PTPRT: variants seen among roughly 807,000 people sequenced by gnomAD.
PTPRT encodes the protein protein tyrosine phosphatase receptor type T, also known as receptor-type tyrosine-protein phosphatase T.
A neutral mutation model predicts 176.8 loss-of-function variants in PTPRT; 56 were observed. The ratio of observed to expected loss-of-function variants is 0.32; its 90% confidence interval spans 0.26 to 0.40. The LOEUF (loss-of-function observed/expected upper bound fraction) is 0.40, where lower values mean the gene tolerates loss of function less well. PTPRT is among the 10% of genes least tolerant of loss of function. PTPRT has a pLI of 1.00. For synonymous variants in PTPRT, 783 were observed against 739.0 expected (o/e 1.06, Z -0.96); for missense variants, 1,540 against 1,908.2 (o/e 0.81, Z 3.60).
chr20:42,176,373 TCTC>T (rs775416298), intron 16 of PTPRT, among the ~76,000 whole-genome samples: 3 of 152,302 alleles, frequency 2.0e-5, no homozygotes, highest in Non-Finnish European at 4.4e-5. Flanking sequence ...ATGCATATCT[TCTC>T]CTGATGGGCT....
intron 7 of PTPRT, among the ~76,000 whole-genome samples, chr20:42,497,194 C>T (rs2071670241): frequency 6.6e-6 from 1 of 152,142 alleles, no homozygotes; most frequent in African/African-American, 2.4e-5. Flanking sequence ...TAGTCCTTGT[C>T]ATAAACCTGA....
chr20:42,125,595 G>C (rs4812581), intron 19 of PTPRT, among the ~76,000 whole-genome samples: 9,703 of 152,308 alleles, frequency 0.064, 549 homozygotes, highest in East Asian at 0.24. Context: ...ACCTTGGACA[G>C]TGCTCTTAAC....
At chr20:42,232,652 C>T (rs2146841560) in intron 15 of PTPRT, among the ~76,000 whole-genome samples, 1 of 150,786 alleles carries the variant, frequency 6.6e-6, no homozygotes, top group Middle Eastern at 3.4e-3. Flanking sequence ...AGACTGTTCC[C>T]TGTCCCCAAA....
chr20:42,618,987 T>G (rs140222860), intron 7 of PTPRT, among the ~76,000 whole-genome samples: 62 of 152,064 alleles, frequency 4.1e-4, no homozygotes, highest in African/African-American at 1.4e-3. Flanking sequence ...GTCATTATGA[T>G]GTTAGCTGGT....
At chr20:42,039,613 T>C in the PTPRT span, among the ~76,000 whole-genome samples, 1 of 150,486 alleles carries the variant, frequency 6.6e-6, no homozygotes, top group African/African-American at 2.4e-5. Flanking sequence ...TTACTTAACA[T>C]AATGTCCTTC....
intron 1 of PTPRT, among the ~76,000 whole-genome samples, chr20:43,122,979 A>C (rs1485647281): frequency 6.6e-6 from 1 of 151,988 alleles, no homozygotes; most frequent in Non-Finnish European, 1.5e-5. Flanking sequence ...TCAGCCTCCC[A>C]AGTAAACTGG....
At chr20:42,207,242 C>T (rs1193408265) in intron 15 of PTPRT, among the ~76,000 whole-genome samples, 2 of 152,206 alleles carry the variant, frequency 1.3e-5, no homozygotes, top group African/African-American at 2.4e-5. Flanking sequence ...CGCCTCTCCT[C>T]CTCCAAAGGA....
chr20:42,065,474 T>C, the PTPRT span, among the ~76,000 whole-genome samples: 1 of 152,252 alleles, frequency 6.6e-6, no homozygotes, highest in Non-Finnish European at 1.5e-5. Flanking sequence ...CAATGGTTTA[T>C]TTCTCATACA....
chr20:42,894,532 A>G (rs2079259558), intron 1 of PTPRT, among the ~76,000 whole-genome samples: 1 of 152,214 alleles, frequency 6.6e-6, no homozygotes, highest in Non-Finnish European at 1.5e-5. Context: ...AGGTTAAAAA[A>G]AAAAACTATC....
intron 26 of PTPRT, among the ~76,000 whole-genome samples, chr20:42,099,818 G>GC (rs113049288): frequency 1.6e-4 from 7 of 42,956 alleles, no homozygotes; most frequent in African/African-American, 5.7e-4. Flanking sequence ...TGCATTGGCT[G>GC]GGGGGGCCCT....
chr20:42,470,068 C>T (rs182413794), intron 8 of PTPRT, among the ~76,000 whole-genome samples: 99 of 152,284 alleles, frequency 6.5e-4, no homozygotes, highest in Non-Finnish European at 1.2e-3. Context: ...AACAGAATTG[C>T]CACAGTAGAG....
intron 6 of PTPRT, among the ~76,000 whole-genome samples, chr20:42,727,207 C>T (rs2076394672): frequency 6.6e-6 from 1 of 152,150 alleles, no homozygotes; most frequent in East Asian, 1.9e-4. Context: ...TCCATCCCCC[C>T]CGTTCCAATG....
At chr20:42,702,945 A>G (rs1345403848) in intron 6 of PTPRT, among the ~76,000 whole-genome samples, 1 of 152,004 alleles carries the variant, frequency 6.6e-6, no homozygotes, top group Non-Finnish European at 1.5e-5. Flanking sequence ...TCTCTTAAAG[A>G]CCCCTATCCC....
intron 7 of PTPRT, among the ~76,000 whole-genome samples, chr20:42,614,278 C>A (rs1416827063): frequency 6.6e-6 from 1 of 150,948 alleles, no homozygotes; most frequent in African/African-American, 2.4e-5. Flanking sequence ...GATTTGAACA[C>A]CCCCAACACA....
chr20:42,527,699 C>T (rs1454004149), intron 7 of PTPRT, among the ~76,000 whole-genome samples: 2 of 152,144 alleles, frequency 1.3e-5, no homozygotes, highest in African/African-American at 2.4e-5. Flanking sequence ...GGAGGCTTTT[C>T]ACAAGCCTAA....
chr20:42,224,603 C>T (rs1254806081), intron 15 of PTPRT, among the ~76,000 whole-genome samples: 1 of 152,210 alleles, frequency 6.6e-6, no homozygotes, highest in East Asian at 1.9e-4. Flanking sequence ...CCTGGATTCT[C>T]AAGCCCTTCC....
intron 17 of PTPRT, among the ~76,000 whole-genome samples, chr20:42,145,713 TG>T (rs1457224484): frequency 6.6e-6 from 1 of 152,206 alleles, no homozygotes. Context: ...GTTCCTTTCC[TG>T]GGCTTCTCAG....
At chr20:42,455,080 G>C (rs2070896801) in intron 8 of PTPRT, among the ~76,000 whole-genome samples, 1 of 152,114 alleles carries the variant, frequency 6.6e-6, no homozygotes, top group Non-Finnish European at 1.5e-5. Context: ...AAACCATTGT[G>C]ATGATGATAA....
In PTPRT at chr20:42,076,711, GAAC is replaced by G. The variant is rs1982806439; in HGVS notation, c.*4165_*4167del. 1.5e-5 allele frequency: 3 copies of G among 198,780 alleles called. No homozygotes were observed. Among genetic ancestry groups the G allele is most frequent in the Non-Finnish European group, 2.0e-5 (2 of 98,368 alleles). The allele number at this position is 198,780 out of a possible 1,614,324, so 12.3% of individuals were successfully genotyped here. On this transcript the variant is annotated 3_prime_UTR_variant, in exon 31 of 31. Transcript: ENST00000373187. ...CCGTCATAGCGGGGTGAACAGAACA[GAAC>G]AACATGAGGAACAGAGCACATTTTT...
Sources: allele counts gnomAD v4.1 joint callset (sites outside exome capture counted in the v4.1 genomes callset), GRCh38; gene constraint gnomAD v4.1.1; transcripts MANE v1.5; gene names NCBI Gene and HGNC (gene_info 2026-07-23, HGNC 2026-07-21).